Variants in THADA observed in about 807,000 individuals in gnomAD.
The protein encoded by THADA is THADA armadillo repeat containing.
THADA carries 213 observed loss-of-function variants against 219.8 expected under a neutral mutation model. That is an observed-to-expected ratio of 0.97 (90% CI 0.87 to 1.09). THADA has a LOEUF of 1.09. Among genes scored for constraint, THADA ranks in the 50% least tolerant of loss-of-function variants. The pLI is 0.00. For synonymous variants in THADA, 1,018 were observed against 828.9 expected (o/e 1.23, Z -3.92); for missense variants, 2,956 against 2,311.3 (o/e 1.28, Z -5.72).
chr2:43,338,105 T>G (rs1343676301), intron 30 of THADA, among the ~76,000 whole-genome samples: 2 of 152,072 alleles, frequency 1.3e-5, no homozygotes, highest in East Asian at 3.9e-4. Flanking sequence ...GAGTGTACAG[T>G]TTGCTAGTGT....
intron 37 of THADA, among the ~76,000 whole-genome samples, chr2:43,232,502 C>T (rs1472655300): frequency 6.6e-6 from 1 of 152,188 alleles, no homozygotes; most frequent in Non-Finnish European, 1.5e-5. Context: ...GAGTTCTCTC[C>T]CCTGGCTAAG....
chr2:43,470,578 T>C (rs1447514421), intron 26 of THADA, among the ~76,000 whole-genome samples: 2 of 152,136 alleles, frequency 1.3e-5, no homozygotes, highest in East Asian at 3.8e-4. Flanking sequence ...TAATAATTAG[T>C]AATATACCTT....
At chr2:43,351,076 T>C (rs1047088332) in intron 29 of THADA, among the ~76,000 whole-genome samples, 1 of 152,122 alleles carries the variant, frequency 6.6e-6, no homozygotes, top group African/African-American at 2.4e-5. Flanking sequence ...ACTATTTTAG[T>C]TCAGGAGCAA....
chr2:43,574,480 G>T lies in THADA; in HGVS notation c.1585C>A (p.Pro529Thr). The T allele has an allele frequency of 6.2e-7, 1 of 1,613,794 alleles. No individual in the cohort carries two copies. Among genetic ancestry groups the T allele is most frequent in the Non-Finnish European group, 8.5e-7 (1 of 1,179,816 alleles). Residue 529 changes from proline to threonine, a missense_variant, in exon 11 of 38, where the codon CCT becomes ACT. Transcript: ENST00000405975. ...CCTTCACACAATATAAAAAGGAGAG[G>T]AGAAACCCAAGTCTCATGCCACTGG... ...IDQWHETWVS[P>T]LLFILCEGNL... is the part of the protein sequence containing the mutation.
At chr2:43,301,869 G>C (rs1248497346) in intron 31 of THADA, among the ~76,000 whole-genome samples, 1 of 152,100 alleles carries the variant, frequency 6.6e-6, no homozygotes, top group Non-Finnish European at 1.5e-5. Flanking sequence ...ATTTTTCCCT[G>C]GTGCAACAAC....
intron 36 of THADA, among the ~76,000 whole-genome samples, chr2:43,247,019 G>A (rs191912041): frequency 1.8e-3 from 280 of 152,326 alleles, no homozygotes; most frequent in African/African-American, 6.3e-3. Flanking sequence ...TAAAAAGGAG[G>A]AATGCTCAAA....
chr2:43,498,630 A>T (rs1231530814), intron 25 of THADA, among the ~76,000 whole-genome samples: 3 of 152,200 alleles, frequency 2.0e-5, no homozygotes, highest in African/African-American at 7.2e-5. Flanking sequence ...AAAAAAAAGA[A>T]AGATGGCTAA....
At chr2:43,492,443 T>C (rs1022903137) in intron 25 of THADA, 1 of 152,188 alleles carries the variant, frequency 6.6e-6, no homozygotes, top group African/African-American at 2.4e-5. Context: ...TCTTATATAA[T>C]AGAAATGCTC....
chr2:43,340,009 T>C (rs1666902926), intron 30 of THADA, among the ~76,000 whole-genome samples: 1 of 152,174 alleles, frequency 6.6e-6, no homozygotes, highest in Non-Finnish European at 1.5e-5. Context: ...ACTGGGTGAT[T>C]CCTCTCTCAT....
intron 26 of THADA, among the ~76,000 whole-genome samples, chr2:43,443,850 C>T (rs1473643417): frequency 1.3e-5 from 2 of 152,198 alleles, no homozygotes; most frequent in Non-Finnish European, 2.9e-5. Context: ...ACTTGCAGAT[C>T]TCTACTTGCC....
chr2:43,568,640 A>AT (rs1274369852), intron 14 of THADA, among the ~76,000 whole-genome samples: 1 of 152,226 alleles, frequency 6.6e-6, no homozygotes, highest in Non-Finnish European at 1.5e-5. Flanking sequence ...CACAAATGTC[A>AT]TTTTACCCCT....
chr2:43,363,900 C>T (rs1013190625), intron 29 of THADA, among the ~76,000 whole-genome samples: 2 of 152,018 alleles, frequency 1.3e-5, no homozygotes, highest in African/African-American at 4.8e-5. Context: ...ACTCAAGCCT[C>T]ATAGAGCAAG....
intron 26 of THADA, among the ~76,000 whole-genome samples, chr2:43,474,610 T>C (rs1326974971): frequency 6.6e-6 from 1 of 152,084 alleles, no homozygotes; most frequent in Non-Finnish European, 1.5e-5. Context: ...ACACTAATCA[T>C]AGAAAATGGA....
chr2:43,337,177 G>C lies in THADA; in HGVS notation c.4343+6945C>G, dbSNP rs187337428. Among the ~76,000 whole-genome samples, 86 of 152,378 alleles carry C rather than the reference G, an allele frequency of 5.6e-4. 1 individual carries two copies. Among genetic ancestry groups the C allele is most frequent in the African/African-American group, 2.0e-3 (85 of 41,588 alleles). ...GACACTGCACAGCAGGCCTGGGCCT[G>C]AGCAGCACCCCAGGGAGGGTCCAGG... On this transcript the variant is annotated intron_variant, in intron 30 of 37. Coordinates refer to ENST00000405975, the MANE Select transcript of THADA (RefSeq NM_022065.5).
At chr2:43,469,181 A>G (rs1684621372) in intron 26 of THADA, among the ~76,000 whole-genome samples, 1 of 152,216 alleles carries the variant, frequency 6.6e-6, no homozygotes, top group Non-Finnish European at 1.5e-5. Context: ...CAGGCACTGT[A>G]GGAGTAGAAA....
chr2:43,579,510 A>T (rs1343433811), intron 8 of THADA, among the ~76,000 whole-genome samples: 1 of 152,226 alleles, frequency 6.6e-6, no homozygotes, highest in Non-Finnish European at 1.5e-5. Context: ...ATGACATCAT[A>T]AACTACGTAC....
chr2:43,257,133 CAGAG>C (rs1670400710), intron 36 of THADA, among the ~76,000 whole-genome samples: 1 of 152,142 alleles, frequency 6.6e-6, no homozygotes, highest in Admixed American at 6.5e-5. Context: ...CAAAGGCAGA[CAGAG>C]AGAATGGGAG....
intron 31 of THADA, among the ~76,000 whole-genome samples, chr2:43,294,856 C>G (rs913815221): frequency 6.6e-6 from 1 of 151,708 alleles, no homozygotes; most frequent in Admixed American, 6.6e-5. Context: ...AAAAAAAACA[C>G]TGAAGGGATA....
At chr2:43,306,368 T>C (rs536945430) in intron 31 of THADA, among the ~76,000 whole-genome samples, 2 of 152,318 alleles carry the variant, frequency 1.3e-5, no homozygotes, top group South Asian at 4.1e-4. Context: ...ATCAGAAATT[T>C]GTCCACCATG....
Sources: gnomAD v4.1 joint callset for allele counts (sites outside exome capture counted in the v4.1 genomes callset) on GRCh38, gnomAD v4.1.1 for gene constraint, MANE v1.5 for transcripts, NCBI Gene and HGNC (gene_info 2026-07-23, HGNC 2026-07-21) for gene names.